The following PCDHA3 variants were observed in gnomAD, a reference collection of about 807,000 sequenced individuals.
PCDHA3 encodes protocadherin alpha-3.
A neutral mutation model predicts 62.2 loss-of-function variants in PCDHA3; 41 were observed. The observed-to-expected ratio is 0.66, with a 90% CI of 0.51 to 0.86. The LOEUF is 0.86. Among genes scored for constraint, PCDHA3 ranks in the 40% least tolerant of loss-of-function variants. The pLI is 0.00. For synonymous variants in PCDHA3, 640 were observed against 555.4 expected (o/e 1.15, Z -2.14); for missense variants, 1,304 against 1,241.2 (o/e 1.05, Z -0.76).
In PCDHA3 at chr5:140,850,779, G is replaced by A. The variant is rs1554144905; in HGVS notation, c.2394+47188G>A. 6.3e-7 allele frequency: 1 copy of A among 1,598,204 alleles called. No homozygotes were observed. Among genetic ancestry groups the A allele is most frequent in the Non-Finnish European group, 8.6e-7 (1 of 1,167,724 alleles). ...GAGGAGGCAGAGGGTGTGCTCTGGC[G>A]AGGGTAAGCAGAAGACCGACCTCAT... On this transcript the variant is annotated intron_variant, in intron 1 of 3. Coordinates refer to ENST00000522353, the MANE Select transcript of PCDHA3 (RefSeq NM_018906.3).
rs376929883 is a variant in PCDHA3 at position 140,967,867 on chromosome 5, C to T, written c.2395-11082C>T. Reference sequence around the variant, plus strand: ...ATGACAATGCCCCAGAGGTGGTGCTCACGGACCTGTATAGCCCAGTGCCTG... The same window carrying T: ...ATGACAATGCCCCAGAGGTGGTGCTTACGGACCTGTATAGCCCAGTGCCTG... On this transcript the variant is annotated intron_variant, in intron 1 of 3. Coordinates refer to ENST00000522353, the MANE Select transcript of PCDHA3 (RefSeq NM_018906.3). 48 of 1,614,012 alleles carry T rather than the reference C, an allele frequency of 3.0e-5. No individual in the cohort carries two copies. The African/African-American group carries it at 6.0e-4, about 20-fold the overall frequency.
intron 1 of PCDHA3, among the ~76,000 whole-genome samples, chr5:140,899,719 C>A (rs2067514429): frequency 6.6e-6 from 1 of 152,198 alleles, no homozygotes; most frequent in Non-Finnish European, 1.5e-5. Flanking sequence ...AGGATTCCCT[C>A]TTTTTCTATT....
At chr5:140,924,028 G>A (rs908427261) in intron 1 of PCDHA3, among the ~76,000 whole-genome samples, 2 of 152,158 alleles carry the variant, frequency 1.3e-5, no homozygotes, top group South Asian at 4.1e-4. Context: ...TGGAGGCATG[G>A]CTGCAGACCT....
At position 140,850,679 on chromosome 5, in the gene PCDHA3, C is replaced by G. The variant is rs1439060369; in HGVS notation, c.2394+47088C>G. 22 of 1,598,382 alleles carry G rather than the reference C, an allele frequency of 1.4e-5. 2 individuals are homozygous for G. The highest frequency in any genetic ancestry group is 1.6e-5 in the Non-Finnish European group (19 of 1,167,880). The stretch of plus-strand genomic sequence containing the variant: ...TGCTGCGGTGCTCGGCGATGCCCAC[C>G]GAGGGCGAGTGCGCGCCTGGCAAGC... On this transcript the variant is annotated intron_variant, in intron 1 of 3. Coordinates refer to ENST00000522353, the MANE Select transcript of PCDHA3 (RefSeq NM_018906.3).
At chr5:141,002,273 A>G (rs1040927044) in intron 3 of PCDHA3, among the ~76,000 whole-genome samples, 42 of 152,308 alleles carry the variant, frequency 2.8e-4, no homozygotes, top group African/African-American at 8.9e-4. Context: ...AGAGCTGGTA[A>G]CAAAGGGATG....
intron 1 of PCDHA3, among the ~76,000 whole-genome samples, chr5:140,910,929 A>G (rs2075237197): frequency 6.6e-6 from 1 of 152,176 alleles, no homozygotes; most frequent in Admixed American, 6.5e-5. Flanking sequence ...TATAAATAAG[A>G]AAGCTCAAGC....
Position 140,856,497 on chromosome 5 carries a change from G to A in PCDHA3, c.2394+52906G>A, listed in dbSNP as rs782069130. 1.1e-5 allele frequency: 17 copies of A among 1,598,346 alleles called. 1 individual carries two copies. Among genetic ancestry groups the A allele is most frequent in the Admixed American group, 5.1e-5 (3 of 59,216 alleles). ...CCTGAATCCAGACTGCTTGACTCTC[G>A]ATTTCCACTAGAAGGCGCATCTGAT... On this transcript the variant is annotated intron_variant, in intron 1 of 3. Transcript: ENST00000522353.
intron 1 of PCDHA3, among the ~76,000 whole-genome samples, chr5:140,970,414 A>G (rs2096403953): frequency 6.6e-6 from 1 of 152,224 alleles, no homozygotes; most frequent in South Asian, 2.1e-4. Context: ...CCCTACAGTA[A>G]GGTGTAGAGG....
chr5:140,807,982 C>T, intron 1 of PCDHA3: 9 of 1,613,432 alleles, frequency 5.6e-6, no homozygotes, highest in Non-Finnish European at 7.6e-6. Context: ...TTAAACTTAA[C>T]GCCTCAGATT....
chr5:140,806,796 T>C, intron 1 of PCDHA3: 1 of 204,112 alleles, frequency 4.9e-6, no homozygotes, highest in Non-Finnish European at 1.0e-5. Context: ...AAAAATTATT[T>C]CTACTGAAGT....
At chr5:140,956,701 G>A (rs549659732) in intron 1 of PCDHA3, among the ~76,000 whole-genome samples, 30 of 152,256 alleles carry the variant, frequency 2.0e-4, no homozygotes, top group Admixed American at 1.4e-3. Context: ...CCATTGTTTG[G>A]AATAGCTTCA....
intron 1 of PCDHA3, chr5:140,841,800 C>T (rs2150322954): frequency 6.2e-7 from 1 of 1,613,890 alleles, no homozygotes. Context: ...GCGTCCGATG[C>T]AGATGTTGGA....
intron 1 of PCDHA3, chr5:140,863,165 C>G (rs1367294208): frequency 1.5e-6 from 1 of 666,560 alleles, no homozygotes; most frequent in Non-Finnish European, 2.7e-6. Context: ...TGCGAGCTGG[C>G]GCTGACTGCC....
chr5:140,913,117 GT>G (rs1393810466), intron 1 of PCDHA3, among the ~76,000 whole-genome samples: 23 of 152,262 alleles, frequency 1.5e-4, no homozygotes, highest in Admixed American at 5.2e-4. Flanking sequence ...CAGTTTGGAA[GT>G]TAACCCCTCC....
intron 1 of PCDHA3, among the ~76,000 whole-genome samples, chr5:140,844,826 C>T (rs1554140734): frequency 6.7e-6 from 1 of 149,170 alleles, no homozygotes; most frequent in East Asian, 1.9e-4. Context: ...TGTCTTTTTA[C>T]ACGTTTGCTT....
rs782418479 is a variant in PCDHA3, at chr5:140,803,172, T to C, written c.1975T>C (p.Leu659=). ...GGTGAAGGACCACGGTGAACCCTCATTGACCGCCACGGCCACTGTGCTGGT... is the reference window on the plus strand; with the variant it reads ...GGTGAAGGACCACGGTGAACCCTCACTGACCGCCACGGCCACTGTGCTGGT... The part of the protein sequence containing the change: ...VLVKDHGEPS[L]TATATVLVSL... Residue 659 remains leucine (L), a synonymous_variant, in exon 1 of 4, where the codon TTG becomes CTG. Coordinates refer to ENST00000522353, the MANE Select transcript of PCDHA3 (RefSeq NM_018906.3). 48 of 1,613,742 alleles carry C rather than the reference T, an allele frequency of 3.0e-5. No homozygotes were observed. Among genetic ancestry groups the C allele is most frequent in the East Asian group, 1.6e-4 (7 of 44,880 alleles).
At chr5:140,914,817 C>T (rs2076857750) in intron 1 of PCDHA3, among the ~76,000 whole-genome samples, 1 of 152,040 alleles carries the variant, frequency 6.6e-6, no homozygotes, top group African/African-American at 2.4e-5. Flanking sequence ...ACTTAACAGA[C>T]TGCATAAACA....
Position 140,807,113 on chromosome 5 carries a change from T to C in PCDHA3, c.2394+3522T>C, listed in dbSNP as rs902550795. On this transcript the variant is annotated intron_variant, in intron 1 of 3. Coordinates refer to ENST00000522353, the MANE Select transcript of PCDHA3 (RefSeq NM_018906.3). ...GAAATATGGAGGATGCAGCTGCACT[T>C]GACTGACCGATTAAAAGATTTCCCT... The C allele has an allele frequency of 2.6e-5, 40 of 1,517,878 alleles. No individual in the cohort carries two copies. In the Admixed American group the frequency reaches 7.4e-4, roughly 28 times the overall value. The allele number at this position is 1,517,878 out of a possible 1,614,324, so 94.0% of individuals were successfully genotyped here.
At chr5:140,841,682 G>C (rs2150320729) in intron 1 of PCDHA3, 34 of 1,613,844 alleles carry the variant, frequency 2.1e-5, no homozygotes, top group Non-Finnish European at 2.5e-6. Flanking sequence ...CCATGTGGAC[G>C]TGGAGGTGAA....
Sources: gnomAD v4.1 joint callset for allele counts (sites outside exome capture counted in the v4.1 genomes callset) on GRCh38, gnomAD v4.1.1 for gene constraint, MANE v1.5 for transcripts, NCBI Gene and HGNC (gene_info 2026-07-23, HGNC 2026-07-21) for gene names.